The following BOC variants were observed in gnomAD, a reference collection of about 807,000 sequenced individuals.
BOC encodes brother of CDO.
Under a neutral mutation model 112.0 loss-of-function variants are expected in BOC, and 76 were observed. That is an observed-to-expected ratio of 0.68 (90% CI 0.56 to 0.82). The LOEUF (loss-of-function observed/expected upper bound fraction) is 0.82, where lower values mean the gene tolerates loss of function less well. BOC is among the 40% of genes least tolerant of loss of function. BOC has a pLI of 0.00. For synonymous variants in BOC, 580 were observed against 599.8 expected (o/e 0.97, Z 0.48); for missense variants, 1,309 against 1,511.7 (o/e 0.87, Z 2.22).
At chr3:113,272,913 G>A (rs1268274907) in intron 7 of BOC, among the ~76,000 whole-genome samples, 156 bp from the exon 8 acceptor site, 1 of 151,996 alleles carries the variant, frequency 6.6e-6, no homozygotes, top group Non-Finnish European at 1.5e-5. Flanking sequence ...TTCTGATGGT[G>A]GAGACATCAG....
rs202004637 is a variant in BOC, at chr3:113,275,252, ATGT to A, written c.1542+575_1542+577del. The stretch of plus-strand genomic sequence containing the variant: ...CAGGCATTTGAGCTCAAAGCACATC[ATGT>A]TGTTCAGACCTCAGCTGTTTCTCCT... On this transcript the variant is annotated intron_variant, in intron 9 of 19. Transcript: ENST00000682979. Among the ~76,000 whole-genome samples, 859 of 152,306 alleles carry A rather than the reference ATGT, an allele frequency of 5.6e-3. 6 individuals carry two copies. Among genetic ancestry groups the A allele is most frequent in the African/African-American group, 0.019 (801 of 41,564 alleles).
chr3:113,213,738 C>A (rs1005663792), intron 1 of BOC, among the ~76,000 whole-genome samples: 7 of 152,174 alleles, frequency 4.6e-5, no homozygotes, highest in Non-Finnish European at 7.3e-5. Context: ...TCTGAAAGCA[C>A]CTTGGGGTCA....
chr3:113,220,109 G>A (rs921994105), intron 2 of BOC, among the ~76,000 whole-genome samples: 1 of 152,128 alleles, frequency 6.6e-6, no homozygotes, highest in Non-Finnish European at 1.5e-5. Context: ...AAAACACCCT[G>A]GGGAAGGAAG....
chr3:113,267,564 G>T (rs950850385), intron 4 of BOC, among the ~76,000 whole-genome samples: 13 of 152,250 alleles, frequency 8.5e-5, no homozygotes, highest in Middle Eastern at 3.4e-3. Flanking sequence ...AACCCTTAGG[G>T]TATCCAGAGT....
chr3:113,268,376 C>T lies in BOC; in HGVS notation c.454C>T (p.Leu152=). ...EGNTAVIACH[L]PESHPKAQVR... is the part of the protein sequence containing the mutation. ...AAACACAGCAGTCATTGCCTGCCACCTGCCTGAGAGCCACCCCAAAGCCCA... is the reference window on the plus strand; with the variant it reads ...AAACACAGCAGTCATTGCCTGCCACTTGCCTGAGAGCCACCCCAAAGCCCA... The change falls in exon 5 of 20, where the codon CTG becomes TTG. Residue 152 remains leucine, a synonymous_variant. Transcript: ENST00000682979. 6.2e-7 allele frequency: 1 copy of T among 1,614,176 alleles called. No homozygotes were observed. Among genetic ancestry groups the T allele is most frequent in the Non-Finnish European group, 8.5e-7 (1 of 1,180,020 alleles).
chr3:113,235,179 T>A (rs1943256158), intron 2 of BOC, among the ~76,000 whole-genome samples: 1 of 152,240 alleles, frequency 6.6e-6, no homozygotes, highest in African/African-American at 2.4e-5. Flanking sequence ...TCCTTTTACA[T>A]GGGTTATTTT....
chr3:113,278,570 C>A lies in BOC; in HGVS notation c.1706-103C>A. ...GTGCCCCGGATGCTTATTTGCATCA[C>A]TTTGTCATGCCGCTTAGCAGAGTCT... On this transcript the variant is annotated intron_variant, in intron 10 of 19. Coordinates refer to ENST00000682979, the MANE Select transcript of BOC (RefSeq NM_001378074.1). This position sits in a 1 kb window ranked among gnomAD's most constrained non-coding sequence, Gnocchi z 4.2. 2 of 1,065,462 alleles carry A rather than the reference C, an allele frequency of 1.9e-6. No individual in the cohort carries two copies. 66.0% of individuals were successfully genotyped at this position (1,065,462 alleles called of 1,614,324 possible). A position where few individuals can be genotyped will look rare whatever the true frequency, so the allele number is the denominator to read the frequency against.
chr3:113,279,697 C>G (rs1010477559), intron 12 of BOC, 127 bp from the exon 13 acceptor site: 4 of 1,025,288 alleles, frequency 3.9e-6, no homozygotes, highest in East Asian at 5.0e-5. Flanking sequence ...TCTTGTGAGG[C>G]CTTTGAGAAC....
chr3:113,250,249 A>G (rs1327136934), intron 3 of BOC, among the ~76,000 whole-genome samples: 1 of 152,216 alleles, frequency 6.6e-6, no homozygotes, highest in African/African-American at 2.4e-5. Flanking sequence ...GCTTCATTTT[A>G]CAGGTAAGAA....
At position 113,274,446 on chromosome 3, in the gene BOC, G is replaced by T; in HGVS notation, c.1306G>T (p.Gly436Cys). 3 of 1,603,814 alleles carry T rather than the reference G, an allele frequency of 1.9e-6. No homozygotes were observed. The highest frequency in any genetic ancestry group is 1.7e-6 in the Non-Finnish European group (2 of 1,172,776). ...ACCTCCTGTATCACCCTCCAAACTC[G>T]GCAACCCTGAGCAGATGCTGAGGGG... ...GTPPVSPSKLGNPEQMLRGQP... is the reference protein window; with the variant it reads ...GTPPVSPSKLCNPEQMLRGQP... The change falls in exon 9 of 20, where the codon GGC becomes TGC. Residue 436 changes from glycine to cysteine, a missense_variant. By Grantham distance (159) the Gly-to-Cys change is radical (BLOSUM62 -3). Transcript: ENST00000682979. The surrounding 1 kb of genome is among the most constrained non-coding windows in gnomAD (Gnocchi z 4.8).
chr3:113,225,959 C>G (rs1941591318), intron 2 of BOC, among the ~76,000 whole-genome samples: 1 of 152,160 alleles, frequency 6.6e-6, no homozygotes, highest in Non-Finnish European at 1.5e-5. Flanking sequence ...ATCTCACTTC[C>G]TACATTCTGC....
At chr3:113,236,288 A>ATATATATATATATATACCCATGTG (rs1553726854) in intron 2 of BOC, among the ~76,000 whole-genome samples, 1 of 21,664 alleles carries the variant, frequency 4.6e-5, no homozygotes, top group Non-Finnish European at 7.7e-5. Context: ...ATGGGTATAT[A>ATATATATATATATATACCCATGTG]TATATATATA....
chr3:113,217,350 TACAAACAA>T (rs547941693), intron 2 of BOC, among the ~76,000 whole-genome samples: 2 of 152,090 alleles, frequency 1.3e-5, no homozygotes, highest in Non-Finnish European at 2.9e-5. Flanking sequence ...ACTCTGTCTC[TACAAACAA>T]ACAAACAAAC....
At chr3:113,260,951 A>G (rs1946809772) in intron 4 of BOC, among the ~76,000 whole-genome samples, 1 of 152,140 alleles carries the variant, frequency 6.6e-6, no homozygotes, top group Non-Finnish European at 1.5e-5. Flanking sequence ...ATTGTCTTCC[A>G]TGAAACCCGT....
intron 2 of BOC, among the ~76,000 whole-genome samples, chr3:113,232,820 T>C (rs1942837376): frequency 6.6e-6 from 1 of 152,234 alleles, no homozygotes; most frequent in African/African-American, 2.4e-5. Flanking sequence ...CTGTCACTTA[T>C]GGGATACCTA....
At chr3:113,273,752 C>T (rs1250980241) in intron 8 of BOC, among the ~76,000 whole-genome samples, 6 of 152,086 alleles carry the variant, frequency 3.9e-5, no homozygotes, top group African/African-American at 1.4e-4. Context: ...ACGAAACTTA[C>T]CAGGGAAACA....
intron 1 of BOC, among the ~76,000 whole-genome samples, chr3:113,213,616 G>A (rs935476125): frequency 6.6e-6 from 1 of 152,162 alleles, no homozygotes; most frequent in South Asian, 2.1e-4. Context: ...TCTGAGGCAA[G>A]AGGTTAGCCA....
At chr3:113,238,968 C>G (rs2107792756) in intron 2 of BOC, among the ~76,000 whole-genome samples, 1 of 152,304 alleles carries the variant, frequency 6.6e-6, no homozygotes, top group East Asian at 1.9e-4. Context: ...TGCCTGAGAG[C>G]TAGTTTGAGG....
In BOC at chr3:113,280,552, C is replaced by T. The variant is rs758377972; in HGVS notation, c.2206-6C>T. Reference sequence around the variant, plus strand: ...TGTCAACTTGTTTCTTCTCCATTCCCTATAGTACATCCCAGCAAGTAACAA... The same window carrying T: ...TGTCAACTTGTTTCTTCTCCATTCCTTATAGTACATCCCAGCAAGTAACAA... On this transcript the variant is annotated splice_region_variant and splice_polypyrimidine_tract_variant and intron_variant, in intron 13 of 19. Coordinates refer to ENST00000682979, the MANE Select transcript of BOC (RefSeq NM_001378074.1). 4 of 1,585,770 alleles carry T rather than the reference C, an allele frequency of 2.5e-6. No individual in the cohort carries two copies. Among genetic ancestry groups the T allele is most frequent in the Admixed American group, 1.7e-5 (1 of 59,974 alleles).
Sources: allele counts gnomAD v4.1 joint callset (sites outside exome capture counted in the v4.1 genomes callset), GRCh38; gene constraint gnomAD v4.1.1; non-coding constraint Gnocchi (gnomAD v3.1); transcripts MANE v1.5; gene names NCBI Gene and HGNC (gene_info 2026-07-23, HGNC 2026-07-21).